Variants in SELENOO observed in about 807,000 individuals in gnomAD.
The protein encoded by SELENOO is protein adenylyltransferase SelO, mitochondrial.
In SELENOO, 74 loss-of-function variants were observed where a neutral mutation model predicts 58.7. The observed-to-expected ratio is 1.26, with a 90% CI of 1.04 to 1.53. The LOEUF (loss-of-function observed/expected upper bound fraction) is 1.53, where lower values mean the gene tolerates loss of function less well. Ranked by LOEUF, SELENOO falls within the 40% of genes most tolerant of loss-of-function variation. The pLI is 0.00. For synonymous variants in SELENOO, 543 were observed against 453.2 expected, an observed-to-expected ratio of 1.20 and a Z score of -2.52; for missense variants, 1,149 against 970.0, an observed-to-expected ratio of 1.18 and a Z score of -2.45.
chr22:50,214,925 A>C (rs2064395198), intron 5 of SELENOO, among the ~76,000 whole-genome samples: 1 of 152,120 alleles, frequency 6.6e-6, no homozygotes, highest in Non-Finnish European at 1.5e-5. Context: ...CTTTTCACCC[A>C]CTTTGCCAAT....
chr22:50,202,447 CT>C, intron 1 of SELENOO, among the ~76,000 whole-genome samples: 1 of 152,274 alleles, frequency 6.6e-6, no homozygotes, highest in Non-Finnish European at 1.5e-5. Flanking sequence ...CTGGCTCTCC[CT>C]CCCCACCCCC....
Position 50,210,643 on chromosome 22 carries a change from C to G in SELENOO, c.1083C>G (p.Asp361Glu). ...CCCCGTGTGGCAGGTACGACCCCGA[C>G]CACGTGTGCAATGCCTCCGACAACA... ...PFGFLDRYDP[D>E]HVCNASDNTG... Residue 361 changes from aspartate to glutamate, a missense_variant, in exon 5 of 9, where the codon GAC (aspartate) becomes GAG (glutamate). By Grantham distance (45) the Asp-to-Glu change is conservative (BLOSUM62 2). Transcript: ENST00000380903. The G allele has an allele frequency of 6.2e-7, 1 of 1,612,892 alleles. No homozygotes were observed. The highest frequency in any genetic ancestry group is 8.5e-7 in the Non-Finnish European group (1 of 1,179,846).
chr22:50,208,430 CAAAAAA>C, intron 2 of SELENOO, 100 bp from the exon 3 acceptor site: 2 of 874,956 alleles, frequency 2.3e-6, no homozygotes, highest in Non-Finnish European at 3.2e-6. Flanking sequence ...GACTCCATCT[CAAAAAA>C]AAAAAAAAAA....
chr22:50,202,633 G>A (rs1043577529), intron 1 of SELENOO, among the ~76,000 whole-genome samples: 16 of 151,844 alleles, frequency 1.1e-4, no homozygotes, highest in Non-Finnish European at 1.9e-4. Context: ...CATTTTTGGT[G>A]ATATTTTAAA....
At chr22:50,215,269 C>T (rs1027530569) in intron 5 of SELENOO, among the ~76,000 whole-genome samples, 26 of 152,096 alleles carry the variant, frequency 1.7e-4, no homozygotes, top group Admixed American at 1.6e-3. Flanking sequence ...CGGGCAGCAG[C>T]CTCTGCCTTC....
chr22:50,208,989 G>A (rs1183558901), intron 3 of SELENOO, among the ~76,000 whole-genome samples: 2 of 152,196 alleles, frequency 1.3e-5, no homozygotes, highest in East Asian at 3.9e-4. Flanking sequence ...GTGCGGGGTG[G>A]GAGCTGGCTT....
chr22:50,208,983 G>A (rs547440323), intron 3 of SELENOO, among the ~76,000 whole-genome samples: 1 of 152,168 alleles, frequency 6.6e-6, no homozygotes, highest in African/African-American at 2.4e-5. Context: ...GCGGGGGTGC[G>A]GGGTGGGAGC....
intron 1 of SELENOO, chr22:50,205,572 C>G (rs1485961660): frequency 6.6e-6 from 1 of 152,034 alleles, no homozygotes; most frequent in African/African-American, 2.4e-5. Context: ...CTTTAAAAAA[C>G]AAAAAAAGTG....
Position 50,201,562 on chromosome 22 carries a change from A to G in SELENOO, c.526A>G (p.Lys176Glu). The G allele has an allele frequency of 7.3e-7, 1 of 1,368,496 alleles. No individual in the cohort carries two copies. The highest frequency in any genetic ancestry group is 9.5e-7 in the Non-Finnish European group (1 of 1,054,574). The allele number at this position is 1,368,496 out of a possible 1,614,324, so 84.8% of individuals were successfully genotyped here. Residue 176 changes from lysine to glutamate, a missense_variant, in exon 1 of 9, where the codon AAG becomes GAG. Coordinates refer to ENST00000380903, the MANE Select transcript of SELENOO (RefSeq NM_031454.2). ...CGGCGAGCGCTGGGAGCTGCAGCTC[A>G]AGGGCGCCGGGCCCACGCCCTTCTC... ...ATGERWELQLKGAGPTPFSRQ... is the reference protein window; with the variant it reads ...ATGERWELQLEGAGPTPFSRQ...
intron 1 of SELENOO, chr22:50,206,043 A>C: frequency 1.9e-6 from 1 of 528,342 alleles, no homozygotes; most frequent in Non-Finnish European, 3.4e-6. Context: ...CTGCTGCGGA[A>C]CCCTCGTTCT....
At chr22:50,203,615 A>G (rs900702146) in intron 1 of SELENOO, among the ~76,000 whole-genome samples, 3 of 152,242 alleles carry the variant, frequency 2.0e-5, no homozygotes, top group African/African-American at 4.8e-5. Flanking sequence ...AGACCATTCA[A>G]TGGAGAAAGA....
chr22:50,217,579 T>C lies in SELENOO; in HGVS notation c.*210T>C, dbSNP rs2064433154. 5 of 949,060 alleles carry C rather than the reference T, an allele frequency of 5.3e-6. No homozygotes were observed. The allele number at this position is 949,060 out of a possible 1,614,324, so 58.8% of individuals were successfully genotyped here. On this transcript the variant is annotated 3_prime_UTR_variant, in exon 9 of 9. Transcript: ENST00000380903. ...GCAGTGCAGCCTGGTCCCTGGGGGCTGGACCCAGGCTCCTAAATAAACCAG... is the reference window on the plus strand; with the variant it reads ...GCAGTGCAGCCTGGTCCCTGGGGGCCGGACCCAGGCTCCTAAATAAACCAG...
chr22:50,210,576 A>G (rs1314449272), intron 4 of SELENOO, 55 bp from the exon 5 acceptor site: 1 of 1,609,900 alleles, frequency 6.2e-7, no homozygotes, highest in African/African-American at 1.3e-5. Flanking sequence ...TGGCTGCACC[A>G]TCTCCCGGGA....
At chr22:50,205,802 C>T (rs1359962616) in intron 1 of SELENOO, 2 of 162,218 alleles carry the variant, frequency 1.2e-5, no homozygotes. Flanking sequence ...GGCTGAGTGG[C>T]CTGAGGCCAG....
Position 50,215,762 on chromosome 22 carries a change from T to C in SELENOO, c.1397T>C (p.Val466Ala), listed in dbSNP as rs1293810747. The change falls in exon 6 of 9, where the codon GTG becomes GCG. Residue 466 changes from valine to alanine, a missense_variant. Val to Ala is a moderately conservative substitution (Grantham distance 64). Coordinates refer to ENST00000380903, the MANE Select transcript of SELENOO (RefSeq NM_031454.2). Reference protein sequence around the residue: ...NTFYLLSSFPVELESPGLAEF... With the variant: ...NTFYLLSSFPAELESPGLAEF... ...TTCTACTTGCTGAGCTCCTTCCCAG[T>C]GGAGCTAGAGTCGCCAGGCCTGGCG... 2 of 1,610,816 alleles carry C rather than the reference T, an allele frequency of 1.2e-6. No homozygotes were observed. Among genetic ancestry groups the C allele is most frequent in the South Asian group, 1.1e-5 (1 of 90,966 alleles).
In SELENOO at chr22:50,201,423, C is replaced by T. The variant is rs1192945447; in HGVS notation, c.387C>T (p.Leu129=). Residue 129 remains leucine, a synonymous_variant, in exon 1 of 9, where the codon CTC becomes CTT. Transcript: ENST00000380903. ...CGCTGTTCTTCAGCGGCAACGCGCT[C>T]CTGCCGGGCGCCGAGCCCGCCGCGC... ...EAALFFSGNA[L]LPGAEPAAHC... 3.7e-6 allele frequency: 5 copies of T among 1,362,006 alleles called. No homozygotes were observed. The African/African-American group carries it at 4.6e-5, about 12-fold the overall frequency. 84.4% of individuals were successfully genotyped at this position (1,362,006 alleles called of 1,614,324 possible).
Position 50,206,372 on chromosome 22 carries a change from G to T in SELENOO, c.610G>T (p.Glu204Ter). ...RSSIREFLCS[E>*]AMFHLGVPTT... ...AAGCATCCGGGAGTTTCTATGCAGCGAAGCCATGTTCCACCTGGGAGTCCC... is the reference window on the plus strand; with the variant it reads ...AAGCATCCGGGAGTTTCTATGCAGCTAAGCCATGTTCCACCTGGGAGTCCC... Residue 204 changes from glutamate to a stop codon, truncating the protein, a stop_gained, in exon 2 of 9, where the codon GAA (glutamate) becomes TAA (stop). Transcript: ENST00000380903. LOFTEE classifies it high-confidence loss of function. The T allele has an allele frequency of 6.2e-7, 1 of 1,614,096 alleles. No individual in the cohort carries two copies. The highest frequency in any genetic ancestry group is 8.5e-7 in the Non-Finnish European group (1 of 1,180,046).
At chr22:50,208,498 C>G (rs779314952) in intron 2 of SELENOO, 38 bp from the exon 3 acceptor site, 1 of 1,583,154 alleles carries the variant, frequency 6.3e-7, no homozygotes, top group Admixed American at 1.7e-5. Flanking sequence ...GGGCTGGGGT[C>G]AGGTTTGGGC....
At chr22:50,202,387 C>A (rs533603608) in intron 1 of SELENOO, among the ~76,000 whole-genome samples, 36 of 152,140 alleles carry the variant, frequency 2.4e-4, no homozygotes, top group African/African-American at 8.7e-4. Flanking sequence ...GTCTTCCTCA[C>A]TCCCCCGTCT....
Sources: gnomAD v4.1 joint callset for allele counts (sites outside exome capture counted in the v4.1 genomes callset) on GRCh38, gnomAD v4.1.1 for gene constraint, MANE v1.5 for transcripts, NCBI Gene and HGNC (gene_info 2026-07-23, HGNC 2026-07-21) for gene names.